Variants in DLG2 observed in about 807,000 individuals in gnomAD.
DLG2 encodes discs large MAGUK scaffold protein 2, also known as disks large homolog 2.
A neutral mutation model predicts 132.5 loss-of-function variants in DLG2; 45 were observed. The observed-to-expected ratio is 0.34, with a 90% confidence interval of 0.27 to 0.44. The LOEUF is 0.44. DLG2 is among the 20% of genes least tolerant of loss of function. The pLI is 1.00. For synonymous variants in DLG2, 424 were observed against 419.6 expected, an observed-to-expected ratio of 1.01 and a Z score of -0.13; for missense variants, 1,045 against 1,196.9, an observed-to-expected ratio of 0.87 and a Z score of 1.87.
chr11:84,890,443 AAC>A (rs1296401150), intron 6 of DLG2, among the ~76,000 whole-genome samples: 5 of 152,154 alleles, frequency 3.3e-5, no homozygotes, highest in South Asian at 2.1e-4. Context: ...TGCCATTTTT[AAC>A]AGTTTGAATA....
intron 16 of DLG2, among the ~76,000 whole-genome samples, chr11:83,845,816 C>A (rs1358719784): frequency 6.6e-6 from 1 of 152,056 alleles, no homozygotes; most frequent in African/African-American, 2.4e-5. Flanking sequence ...ACTTGAGTAA[C>A]CTTGGTGTAG....
At chr11:85,216,134 A>G (rs1326706058) in intron 4 of DLG2, among the ~76,000 whole-genome samples, 2 of 152,198 alleles carry the variant, frequency 1.3e-5, no homozygotes, top group Non-Finnish European at 2.9e-5. Flanking sequence ...TGGGCAATAC[A>G]GTAGAAACCT....
At chr11:84,374,281 T>A (rs1391496023) in intron 7 of DLG2, among the ~76,000 whole-genome samples, 1 of 152,148 alleles carries the variant, frequency 6.6e-6, no homozygotes, top group Non-Finnish European at 1.5e-5. Context: ...TCCACCCAAT[T>A]TGAACACTTC....
intron 7 of DLG2, among the ~76,000 whole-genome samples, chr11:84,469,684 A>G (rs78059270): frequency 0.016 from 2,395 of 151,824 alleles, 73 homozygotes; most frequent in African/African-American, 0.055. Context: ...AATAGATAAT[A>G]TGAATATAAA....
chr11:84,664,830 T>G (rs1217771987), intron 6 of DLG2, among the ~76,000 whole-genome samples: 1 of 152,222 alleles, frequency 6.6e-6, no homozygotes, highest in East Asian at 1.9e-4. Flanking sequence ...TGTGGTAGAT[T>G]GTATTTCTGT....
At chr11:84,508,487 C>A (rs891447280) in intron 7 of DLG2, among the ~76,000 whole-genome samples, 2 of 151,190 alleles carry the variant, frequency 1.3e-5, no homozygotes, top group African/African-American at 4.9e-5. Context: ...ACTGCAACCT[C>A]CGTCTCCCGG....
rs1309713392 is a variant in DLG2, at chr11:85,105,866, A to G, written c.357+5795T>C. Among the ~76,000 whole-genome samples the G allele has an allele frequency of 2.6e-5, 4 of 151,954 alleles. No homozygotes were observed. In the South Asian group the frequency reaches 8.3e-4, roughly 31 times the overall value. ...TGGAAACACCCAGAGAGCAGACACA[A>G]CACTATTTTATAACTGGGTTAGATG... On this transcript the variant is annotated intron_variant, in intron 6 of 27. Coordinates refer to ENST00000376104, the MANE Select transcript of DLG2 (RefSeq NM_001142699.3).
At chr11:85,501,576 A>T (rs763264111) in intron 3 of DLG2, among the ~76,000 whole-genome samples, 3 of 152,240 alleles carry the variant, frequency 2.0e-5, no homozygotes, top group Non-Finnish European at 4.4e-5. Flanking sequence ...TTTATAAGAA[A>T]AAAGCAAACA....
Position 85,299,547 on chromosome 11 carries a change from G to A in DLG2, c.41-14182C>T, listed in dbSNP as rs994797161. The stretch of plus-strand genomic sequence containing the variant: ...TGCCTTTGCACTTTGCATTTATCTT[G>A]TGATTCTTATGACCCTGTGTCATTG... On this transcript the variant is annotated intron_variant, in intron 3 of 27. Transcript: ENST00000376104. Among the ~76,000 whole-genome samples, 43 of 152,036 alleles carry A rather than the reference G, an allele frequency of 2.8e-4. 2 individuals carry two copies. Among genetic ancestry groups the A allele is most frequent in the Admixed American group, 2.8e-3 (42 of 15,248 alleles).
At chr11:84,847,069 T>C (rs2081564183) in intron 6 of DLG2, among the ~76,000 whole-genome samples, 1 of 151,964 alleles carries the variant, frequency 6.6e-6, no homozygotes, top group Non-Finnish European at 1.5e-5. Context: ...CACAGAAACA[T>C]GAGAGAGAAT....
intron 7 of DLG2, among the ~76,000 whole-genome samples, chr11:84,432,165 G>A (rs1193315523): frequency 6.6e-6 from 1 of 152,192 alleles, no homozygotes; most frequent in Non-Finnish European, 1.5e-5. Flanking sequence ...TAGTGATGGT[G>A]ATGTCACCTA....
At chr11:84,206,389 AT>A (rs1454368122) in intron 8 of DLG2, among the ~76,000 whole-genome samples, 4 of 152,112 alleles carry the variant, frequency 2.6e-5, no homozygotes, top group Non-Finnish European at 5.9e-5. Flanking sequence ...ATCCCAAGTC[AT>A]TTTTTGAGGC....
chr11:83,843,310 C>T (rs1189324413), intron 16 of DLG2, among the ~76,000 whole-genome samples: 2 of 152,174 alleles, frequency 1.3e-5, no homozygotes, highest in Non-Finnish European at 2.9e-5. Flanking sequence ...ATCTATCTAA[C>T]GAGGTCCTAC....
intron 3 of DLG2, among the ~76,000 whole-genome samples, chr11:85,420,384 G>A (rs936400662): frequency 1.3e-5 from 2 of 152,258 alleles, no homozygotes; most frequent in East Asian, 1.9e-4. Context: ...CTGCTGGGAG[G>A]TGTCTCCCAG....
chr11:84,373,293 G>T (rs537038180), intron 7 of DLG2, among the ~76,000 whole-genome samples: 1 of 77,298 alleles, frequency 1.3e-5, no homozygotes, highest in African/African-American at 6.5e-5. Context: ...CACCAGGCCC[G>T]GCACGGTGGC....
intron 6 of DLG2, among the ~76,000 whole-genome samples, chr11:84,627,181 T>A (rs1433179183): frequency 6.6e-6 from 1 of 152,108 alleles, no homozygotes; most frequent in Non-Finnish European, 1.5e-5. Flanking sequence ...AATTACACAT[T>A]CAAAATATCC....
chr11:85,205,992 G>T (rs1343677419), intron 4 of DLG2, among the ~76,000 whole-genome samples: 2 of 152,166 alleles, frequency 1.3e-5, no homozygotes, highest in Non-Finnish European at 2.9e-5. Context: ...ATCTCATGTG[G>T]AATTGTAATC....
intron 6 of DLG2, among the ~76,000 whole-genome samples, chr11:84,968,023 T>C (rs2053567970): frequency 6.6e-6 from 1 of 152,134 alleles, no homozygotes; most frequent in Non-Finnish European, 1.5e-5. Context: ...TAGACAATCA[T>C]GTTAAAGAAC....
At chr11:85,380,726 G>T (rs571937309) in intron 3 of DLG2, among the ~76,000 whole-genome samples, 1 of 152,268 alleles carries the variant, frequency 6.6e-6, no homozygotes, top group South Asian at 2.1e-4. Flanking sequence ...ATCATAACTA[G>T]TTAACTATGC....
Sources: gnomAD v4.1 joint callset for allele counts (sites outside exome capture counted in the v4.1 genomes callset) on GRCh38, gnomAD v4.1.1 for gene constraint, MANE v1.5 for transcripts, NCBI Gene and HGNC (gene_info 2026-07-23, HGNC 2026-07-21) for gene names.